FILIP1L: variants seen among roughly 807,000 people sequenced by gnomAD.
FILIP1L encodes the protein filamin A-interacting protein 1-like.
A neutral mutation model predicts 96.6 loss-of-function variants in FILIP1L; 55 were observed. The observed-to-expected ratio is 0.57, with a 90% CI of 0.46 to 0.71. The LOEUF is 0.71. FILIP1L is among the 30% of genes least tolerant of loss of function. FILIP1L has a pLI of 0.00. For missense variants in FILIP1L, 1,304 were observed against 1,321.2 expected (o/e 0.99, Z 0.20); for synonymous variants, 467 against 473.9 (o/e 0.99, Z 0.19).
rs567486993 is a variant in FILIP1L at position 100,063,456 on chromosome 3, G to A, written c.-11+50597C>T. 9.2e-5 allele frequency among the ~76,000 whole-genome samples: 14 copies of A among 151,958 alleles called. No individual in the cohort carries two copies. The East Asian group carries it at 2.3e-3, about 25-fold the overall frequency. ...CTGAATAGCTTTTTACTGTAACTCA[G>A]AATGATGGCCTTAATTTTCTCCAGG... On this transcript the variant is annotated intron_variant, in intron 1 of 5. Transcript: ENST00000477258.
chr3:99,890,587 G>T (rs933368980), intron 4 of FILIP1L, among the ~76,000 whole-genome samples: 1 of 151,924 alleles, frequency 6.6e-6, no homozygotes, highest in Non-Finnish European at 1.5e-5. Flanking sequence ...CAATTTCTTT[G>T]AATTTTTCTT....
intron 4 of FILIP1L, among the ~76,000 whole-genome samples, chr3:99,857,014 ATGAG>A (rs1188977790): frequency 2.0e-5 from 3 of 152,220 alleles, no homozygotes; most frequent in Non-Finnish European, 4.4e-5. Context: ...TGAGAACAGG[ATGAG>A]TATCACTGTC....
At chr3:99,844,451 G>A (rs1416792131) in intron 5 of FILIP1L, among the ~76,000 whole-genome samples, 2 of 152,108 alleles carry the variant, frequency 1.3e-5, no homozygotes, top group African/African-American at 4.8e-5. Flanking sequence ...ACAGAAACCA[G>A]GGTATAGGAA....
At chr3:99,863,935 G>A (rs997440179) in intron 4 of FILIP1L, among the ~76,000 whole-genome samples, 1 of 152,102 alleles carries the variant, frequency 6.6e-6, no homozygotes, top group Admixed American at 6.5e-5. Flanking sequence ...AACATTTCTT[G>A]GAGATCTTTC....
At chr3:99,996,582 T>C (rs548393961) in intron 1 of FILIP1L, among the ~76,000 whole-genome samples, 17 of 152,254 alleles carry the variant, frequency 1.1e-4, no homozygotes, top group Middle Eastern at 3.4e-3. Flanking sequence ...GATAAAGACA[T>C]ACCCAAGACT....
At chr3:99,965,153 G>A (rs1708611727) in intron 1 of FILIP1L, among the ~76,000 whole-genome samples, 1 of 152,192 alleles carries the variant, frequency 6.6e-6, no homozygotes, top group Non-Finnish European at 1.5e-5. Context: ...AATCCTACTA[G>A]CCAAGCATAT....
chr3:99,996,360 A>G (rs935897884), intron 1 of FILIP1L, among the ~76,000 whole-genome samples: 2 of 152,286 alleles, frequency 1.3e-5, no homozygotes, highest in African/African-American at 2.4e-5. Flanking sequence ...TATTGTCCAT[A>G]TCACTGCCAG....
chr3:99,924,560 C>T (rs1327583649), intron 3 of FILIP1L, 152 bp from the exon 4 acceptor site: 3 of 772,868 alleles, frequency 3.9e-6, no homozygotes, highest in Middle Eastern at 3.8e-4. Context: ...CTGTCGTTGC[C>T]CAGGCTGGAG....
intron 4 of FILIP1L, among the ~76,000 whole-genome samples, chr3:99,872,322 T>TGTGA (rs1491147270): frequency 5.0e-5 from 7 of 141,114 alleles, no homozygotes; most frequent in Non-Finnish European, 7.7e-5. Flanking sequence ...TGTGTGTGTG[T>TGTGA]GACTGTGGGG....
chr3:100,114,469 G>T lies in FILIP1L; in HGVS notation c.-427C>A. On this transcript the variant is annotated 5_prime_UTR_variant, in exon 1 of 6. Coordinates refer to ENST00000477258, the MANE Select transcript of FILIP1L (RefSeq NM_001387850.1). The stretch of plus-strand genomic sequence containing the variant: ...ATCTGCGCAGAGCAGACAAGTAGAG[G>T]CAGGCACAGGCTCCGTGAGCACGTC... 1 of 154,508 alleles carries T rather than the reference G, an allele frequency of 6.5e-6. No homozygotes were observed. The highest frequency in any genetic ancestry group is 1.4e-5 in the Non-Finnish European group (1 of 69,854). The allele number at this position is 154,508 out of a possible 1,614,324, so 9.6% of individuals were successfully genotyped here.
At chr3:99,988,309 A>G (rs1249215115) in intron 1 of FILIP1L, among the ~76,000 whole-genome samples, 1 of 147,190 alleles carries the variant, frequency 6.8e-6, no homozygotes, top group Non-Finnish European at 1.5e-5. Flanking sequence ...CATCCTGGTT[A>G]GCATGACAAA....
chr3:99,913,021 T>C (rs1241135323), intron 4 of FILIP1L, among the ~76,000 whole-genome samples: 1 of 152,178 alleles, frequency 6.6e-6, no homozygotes, highest in African/African-American at 2.4e-5. Flanking sequence ...GGGGCATTCA[T>C]GAATGGAATT....
intron 1 of FILIP1L, among the ~76,000 whole-genome samples, chr3:100,083,183 A>G (rs951158476): frequency 1.3e-5 from 2 of 152,210 alleles, no homozygotes; most frequent in East Asian, 3.8e-4. Flanking sequence ...ATGCTTCAGG[A>G]TATTCAACAT....
chr3:100,056,676 C>T (rs1344785432), intron 1 of FILIP1L, among the ~76,000 whole-genome samples: 2 of 151,468 alleles, frequency 1.3e-5, no homozygotes, highest in Admixed American at 1.3e-4. Context: ...GACTGCCACA[C>T]AACCAGGTAG....
rs569271215 is a variant in FILIP1L, at chr3:99,946,246, C to A, written c.-10-15216G>T. Among the ~76,000 whole-genome samples the A allele has an allele frequency of 2.6e-5, 4 of 152,288 alleles. 1 individual carries two copies. The highest frequency in any genetic ancestry group is 9.6e-5 in the African/African-American group (4 of 41,544). On this transcript the variant is annotated intron_variant, in intron 1 of 5. Transcript: ENST00000477258. ...CCCTGGATACTATTGTGATTGATAG[C>A]TTATAAGCTGCTTTAAAGTTTTCTG...
Position 99,901,391 on chromosome 3 carries a change from C to T in FILIP1L, c.605+22839G>A, listed in dbSNP as rs1265424222. The stretch of plus-strand genomic sequence containing the variant: ...AAATCCTCAAAAATGTAGTGACAAG[C>T]GATGACTCATTTTAGCTCATGTCAA... On this transcript the variant is annotated intron_variant, in intron 4 of 5. Transcript: ENST00000477258. 8.5e-5 allele frequency among the ~76,000 whole-genome samples: 13 copies of T among 152,302 alleles called. No individual in the cohort carries two copies. In the South Asian group the frequency reaches 2.3e-3, roughly 27 times the overall value.
chr3:99,875,683 C>G (rs181898162), intron 4 of FILIP1L, among the ~76,000 whole-genome samples: 2 of 152,252 alleles, frequency 1.3e-5, no homozygotes, highest in South Asian at 4.2e-4. Flanking sequence ...GCATTCTGCT[C>G]ATGTAAGACA....
At chr3:99,876,216 C>G in intron 4 of FILIP1L, 1 of 985,270 alleles carries the variant, frequency 1.0e-6, no homozygotes, top group East Asian at 1.1e-4. Flanking sequence ...CGTTACGTCA[C>G]TGTTCTGCCT....
At chr3:99,894,969 C>T (rs192305662) in intron 4 of FILIP1L, among the ~76,000 whole-genome samples, 62 of 152,160 alleles carry the variant, frequency 4.1e-4, no homozygotes, top group Non-Finnish European at 7.9e-4. Flanking sequence ...CAAATGTGTT[C>T]CAGGTTCCCA....
Sources: gnomAD v4.1 joint callset for allele counts (sites outside exome capture counted in the v4.1 genomes callset) on GRCh38, gnomAD v4.1.1 for gene constraint, MANE v1.5 for transcripts, NCBI Gene and HGNC (gene_info 2026-07-23, HGNC 2026-07-21) for gene names.